JMJD1C: variants seen among roughly 807,000 people sequenced by gnomAD.
JMJD1C encodes the protein jumonji domain-containing protein 1C.
In JMJD1C, 31 loss-of-function variants were observed where a neutral mutation model predicts 245.3. The ratio of observed to expected loss-of-function variants is 0.13; its 90% confidence interval spans 0.09 to 0.17. The LOEUF (loss-of-function observed/expected upper bound fraction) is 0.17, where lower values mean the gene tolerates loss of function less well. Among genes scored for constraint, JMJD1C ranks in the 10% least tolerant of loss-of-function variants. The pLI, the probability that JMJD1C is intolerant of heterozygous loss-of-function variation, is 1.00. For synonymous variants in JMJD1C, 1,057 were observed against 1,017.4 expected (o/e 1.04, Z -0.74); for missense variants, 2,691 against 3,000.2 (o/e 0.90, Z 2.41).
intron 2 of JMJD1C, among the ~76,000 whole-genome samples, chr10:63,278,786 C>T (rs1446648834): frequency 6.8e-6 from 1 of 147,344 alleles, no homozygotes; most frequent in Non-Finnish European, 1.5e-5. Context: ...TTGCGGTGAG[C>T]TGATATTGTG....
At chr10:63,309,274 C>T (rs1399046372) in intron 2 of JMJD1C, among the ~76,000 whole-genome samples, 1 of 151,560 alleles carries the variant, frequency 6.6e-6, no homozygotes, top group Non-Finnish European at 1.5e-5. Flanking sequence ...AGGTGGATCA[C>T]CTGAGGTCTG....
At chr10:63,312,742 TTC>T (rs1364472051) in intron 2 of JMJD1C, among the ~76,000 whole-genome samples, 1 of 152,150 alleles carries the variant, frequency 6.6e-6, no homozygotes, top group Non-Finnish European at 1.5e-5. Context: ...TTATAATTGC[TTC>T]TACACAGGCC....
At chr10:63,181,982 TAAA>T (rs34671337) in intron 22 of JMJD1C, among the ~76,000 whole-genome samples, 1 of 152,218 alleles carries the variant, frequency 6.6e-6, no homozygotes, top group Non-Finnish European at 1.5e-5. Flanking sequence ...TAGTGTCAGT[TAAA>T]AAGCTGAGTA....
chr10:63,332,727 A>G (rs917926709), intron 2 of JMJD1C, among the ~76,000 whole-genome samples: 1 of 152,230 alleles, frequency 6.6e-6, no homozygotes, highest in Non-Finnish European at 1.5e-5. Context: ...TCTATGTTCC[A>G]TTTATTTTTA....
rs1392864422 is a variant in JMJD1C at position 63,198,549 on chromosome 10, A to T, written c.5455T>A (p.Ser1819Thr). The change falls in exon 12 of 26, where the codon TCT becomes ACT. Residue 1819 changes from serine to threonine, a missense_variant. Physicochemically the swap from Ser to Thr is moderately conservative, Grantham distance 58. Coordinates refer to ENST00000399262, the MANE Select transcript of JMJD1C (RefSeq NM_032776.3). ...IGDKFCQLVTSEKTALSWVKK... is the reference protein window; with the variant it reads ...IGDKFCQLVTTEKTALSWVKK... ...ACCCAGGACAAAGCTGTTTTTTCAG[A>T]TGTTACTAATTGACAGAACTTATCA... is the stretch of plus-strand genomic sequence containing the variant. 6.2e-7 allele frequency: 1 copy of T among 1,606,326 alleles called. No homozygotes were observed. The highest frequency in any genetic ancestry group is 2.2e-5 in the East Asian group (1 of 44,628).
chr10:63,419,443 G>T (rs1313257084), intron 1 of JMJD1C, among the ~76,000 whole-genome samples: 2 of 152,094 alleles, frequency 1.3e-5, no homozygotes, highest in South Asian at 2.1e-4. Context: ...TTTAAGCCAT[G>T]TACTAATAAA....
At chr10:63,247,901 C>A (rs1017185128) in intron 3 of JMJD1C, among the ~76,000 whole-genome samples, 1 of 151,920 alleles carries the variant, frequency 6.6e-6, no homozygotes, top group African/African-American at 2.4e-5. Flanking sequence ...CAAACTCATT[C>A]CTTGAGGCCA....
intron 1 of JMJD1C, among the ~76,000 whole-genome samples, chr10:63,460,379 G>A (rs1315950321): frequency 6.6e-6 from 1 of 152,098 alleles, no homozygotes. Context: ...AATTAGTTGG[G>A]TATAGTGGCA....
Position 63,513,850 on chromosome 10 carries a change from G to A in JMJD1C, n.113+7888C>T, listed in dbSNP as rs1220808729. 3.9e-5 allele frequency among the ~76,000 whole-genome samples: 6 copies of A among 152,118 alleles called. No individual in the cohort carries two copies. The East Asian group carries it at 1.2e-3, about 29-fold the overall frequency. On this transcript the variant is annotated intron_variant and non_coding_transcript_variant, in intron 1 of 3. Transcript: ENST00000633035. ...ATGGCGTGAACCCGGGAGGTGGAGCGTGCAGTGAGCCGAGATCGCGCCACT... is the reference window on the plus strand; with the variant it reads ...ATGGCGTGAACCCGGGAGGTGGAGCATGCAGTGAGCCGAGATCGCGCCACT...
chr10:63,199,446 C>T (rs568199200), intron 11 of JMJD1C, among the ~76,000 whole-genome samples: 1 of 152,110 alleles, frequency 6.6e-6, no homozygotes, highest in Non-Finnish European at 1.5e-5. Flanking sequence ...AGCAACATTT[C>T]TTTTATCCCT....
chr10:63,168,080 G>T lies in JMJD1C; in HGVS notation c.7588C>A (p.His2530Asn), dbSNP rs751636933. The T allele has an allele frequency of 8.1e-6, 13 of 1,604,470 alleles. No individual in the cohort carries two copies. The highest frequency in any genetic ancestry group is 1.3e-5 in the African/African-American group (1 of 74,716). ...VKEMVRALKI[H>N]EDEVEDMEEN is the part of the protein sequence containing the mutation. ...TCCATATCCTCTACTTCATCCTCGT[G>T]TATCTTCAAGGCTCTCACCATTTCT... is the stretch of plus-strand genomic sequence containing the variant. Residue 2530 changes from histidine (H) to asparagine (N), a missense_variant, in exon 26 of 26, where the codon CAC becomes AAC. Around this residue, in one of 9 missense-constraint regions of JMJD1C, gnomAD observed 27 missense variants for 18.4 expected, o/e 1.47. Transcript: ENST00000399262.
chr10:63,414,991 A>C (rs1564895769), intron 1 of JMJD1C, among the ~76,000 whole-genome samples: 1 of 151,422 alleles, frequency 6.6e-6, no homozygotes, highest in Non-Finnish European at 1.5e-5. Flanking sequence ...TGGTATTCCC[A>C]ACAAGGCCTT....
At chr10:63,275,710 A>C (rs1564721686) in intron 2 of JMJD1C, among the ~76,000 whole-genome samples, 3 of 152,168 alleles carry the variant, frequency 2.0e-5, no homozygotes. Flanking sequence ...TTTCTTAACA[A>C]GTAACATAAT....
intron 3 of JMJD1C, chr10:63,222,208 C>T: frequency 1.3e-6 from 1 of 762,172 alleles, no homozygotes; most frequent in South Asian, 1.3e-5. Context: ...ACACCATGTT[C>T]AGAGGAATTT....
chr10:63,513,527 T>C (rs1954931085), intron 1 of JMJD1C, among the ~76,000 whole-genome samples: 1 of 152,164 alleles, frequency 6.6e-6, no homozygotes, highest in Non-Finnish European at 1.5e-5. Context: ...ACAGACAACC[T>C]ACAGAATGGG....
At chr10:63,371,325 A>T (rs1946301084) in intron 2 of JMJD1C, among the ~76,000 whole-genome samples, 1 of 151,960 alleles carries the variant, frequency 6.6e-6, no homozygotes, top group Non-Finnish European at 1.5e-5. Context: ...GATGTAATTA[A>T]TTTTTTTTAC....
At chr10:63,458,735 T>TA (rs1026695308) in intron 1 of JMJD1C, among the ~76,000 whole-genome samples, 4 of 94,068 alleles carry the variant, frequency 4.3e-5, no homozygotes, top group African/African-American at 1.6e-4. Flanking sequence ...TTATTTATTT[T>TA]TTTTTTGAGG....
chr10:63,189,355 T>C lies in JMJD1C; in HGVS notation c.6383A>G (p.Lys2128Arg). The change falls in exon 18 of 26, where the codon AAG becomes AGG. Residue 2128 changes from lysine to arginine, a missense_variant. Lys to Arg is a conservative substitution (Grantham distance 26). Around this residue, in one of 9 missense-constraint regions of JMJD1C, gnomAD observed 275 missense variants for 285.5 expected, o/e 0.96. Transcript: ENST00000399262. ...TTTAAGCTCTGGTTTTACATTTATC[T>C]TGGAGGTTTTACTTGGTGGAATTTT... ...ENKIPPSKTS[K>R]INVKPELKEE... 1 of 1,613,918 alleles carries C rather than the reference T, an allele frequency of 6.2e-7. No individual in the cohort carries two copies. Among genetic ancestry groups the C allele is most frequent in the South Asian group, 1.1e-5 (1 of 91,082 alleles).
chr10:63,190,437 C>G (rs890258848), intron 17 of JMJD1C, among the ~76,000 whole-genome samples: 1 of 152,180 alleles, frequency 6.6e-6, no homozygotes, highest in African/African-American at 2.4e-5. Flanking sequence ...CTCCTGACCT[C>G]GTGATCCAGC....
Sources: allele counts gnomAD v4.1 joint callset (sites outside exome capture counted in the v4.1 genomes callset), GRCh38; gene constraint gnomAD v4.1.1; regional missense constraint gnomAD v4.1.1; transcripts MANE v1.5; gene names NCBI Gene and HGNC (gene_info 2026-07-23, HGNC 2026-07-21).